DYM: variants seen among roughly 807,000 people sequenced by gnomAD.
DYM encodes dymeclin, also known as dyggve-Melchior-Clausen syndrome protein.
In DYM, 78 loss-of-function variants were observed where a neutral mutation model predicts 93.1. That is an observed-to-expected ratio of 0.84 (90% CI 0.70 to 1.01). The LOEUF is 1.01. DYM is among the 50% of genes least tolerant of loss of function. The probability of loss-of-function intolerance (pLI) is 0.00; values close to 1 mark genes in which losing one functional copy is unlikely to be tolerated. For missense variants in DYM, 789 were observed against 845.0 expected, an observed-to-expected ratio of 0.93 and a Z score of 0.82; for synonymous variants, 321 against 319.7, an observed-to-expected ratio of 1.00 and a Z score of -0.04.
chr18:49,292,015 A>G (rs1264149874), intron 8 of DYM, among the ~76,000 whole-genome samples: 3 of 152,160 alleles, frequency 2.0e-5, no homozygotes, highest in Non-Finnish European at 4.4e-5. Flanking sequence ...GAGAAACACA[A>G]TTACAAAGTT....
chr18:49,383,806 T>C (rs1254592361), intron 3 of DYM, among the ~76,000 whole-genome samples: 1 of 152,164 alleles, frequency 6.6e-6, no homozygotes, highest in Non-Finnish European at 1.5e-5. Context: ...ATGCCTGTAA[T>C]ATAGTAGGTG....
chr18:49,123,431 T>C (rs1286278281), intron 15 of DYM, among the ~76,000 whole-genome samples: 1 of 152,230 alleles, frequency 6.6e-6, no homozygotes, highest in East Asian at 1.9e-4. Flanking sequence ...TGTGTACTCT[T>C]GCCTCCCTAG....
intron 8 of DYM, among the ~76,000 whole-genome samples, chr18:49,324,421 A>G (rs201560852): frequency 3.9e-5 from 6 of 152,336 alleles, no homozygotes; most frequent in Non-Finnish European, 7.4e-5. Flanking sequence ...TCAATAAGAA[A>G]TGGTACCATA....
At chr18:49,048,546 A>G (rs957058009) in intron 17 of DYM, 2 of 152,248 alleles carry the variant, frequency 1.3e-5, no homozygotes, top group African/African-American at 4.8e-5. Flanking sequence ...GAGGCAGCTT[A>G]TGCAAGGCTG....
At chr18:49,210,868 A>T (rs914908938) in intron 13 of DYM, among the ~76,000 whole-genome samples, 6 of 152,190 alleles carry the variant, frequency 3.9e-5, no homozygotes, top group African/African-American at 1.4e-4. Context: ...TAGGGGAGAA[A>T]AGGCATACTC....
chr18:49,314,369 TTGA>T (rs1301003034), intron 8 of DYM, among the ~76,000 whole-genome samples: 4 of 152,218 alleles, frequency 2.6e-5, no homozygotes, highest in Non-Finnish European at 5.9e-5. Flanking sequence ...CATGCCACTG[TTGA>T]TGGTCTTCTG....
intron 1 of DYM, among the ~76,000 whole-genome samples, chr18:49,441,199 ATATAT>A (rs2081500565): frequency 2.6e-5 from 1 of 38,750 alleles, no homozygotes; most frequent in Non-Finnish European, 4.3e-5. Flanking sequence ...ATAATATATT[ATATAT>A]TATATATATT....
intron 11 of DYM, among the ~76,000 whole-genome samples, chr18:49,264,337 G>C (rs982782392): frequency 1.3e-5 from 2 of 151,934 alleles, no homozygotes; most frequent in South Asian, 2.1e-4. Flanking sequence ...CTGAGAGGTG[G>C]AGTATTTATT....
intron 2 of DYM, among the ~76,000 whole-genome samples, chr18:49,429,644 A>C (rs1488025866): frequency 6.6e-6 from 1 of 152,208 alleles, no homozygotes; most frequent in South Asian, 2.1e-4. Flanking sequence ...ATGGTGCACA[A>C]TTTGGCATAG....
rs114451771 is a variant in DYM, at chr18:49,053,139, G to A, written c.2026-8935C>T. Reference sequence around the variant, plus strand: ...GGAATGTTTTTATCAGCTCCAGTGAGTCAACCTACCACAGTGGGACATCCG... The same window carrying A: ...GGAATGTTTTTATCAGCTCCAGTGAATCAACCTACCACAGTGGGACATCCG... On this transcript the variant is annotated intron_variant, in intron 17 of 17. Coordinates refer to ENST00000675505, the MANE Select transcript of DYM (RefSeq NM_001353214.3). Among the ~76,000 whole-genome samples, 987 of 152,312 alleles carry A rather than the reference G, an allele frequency of 6.5e-3. 10 individuals are homozygous for A. The highest frequency in any genetic ancestry group is 0.022 in the African/African-American group (922 of 41,556).
At chr18:49,255,788 A>G (rs1034380358) in intron 13 of DYM, among the ~76,000 whole-genome samples, 1 of 152,076 alleles carries the variant, frequency 6.6e-6, no homozygotes, top group Non-Finnish European at 1.5e-5. Flanking sequence ...AACACTGAAC[A>G]TCCTACAGGA....
At chr18:49,047,793 C>T (rs1326283595) in intron 17 of DYM, among the ~76,000 whole-genome samples, 6 of 152,122 alleles carry the variant, frequency 3.9e-5, no homozygotes, top group African/African-American at 9.7e-5. Context: ...GGTACCAACA[C>T]GATGATGTTC....
At chr18:49,097,295 C>T (rs2079630037) in intron 17 of DYM, 107 bp downstream of exon 17, 2 of 999,158 alleles carry the variant, frequency 2.0e-6, no homozygotes, top group Non-Finnish European at 3.1e-6. Context: ...CCCTTCTAGT[C>T]TATGTACTGG....
Position 49,038,444 on chromosome 18 carries a change from T to C in DYM, c.*5611A>G, listed in dbSNP as rs979425125. Among the ~76,000 whole-genome samples, 14 of 152,218 alleles carry C rather than the reference T, an allele frequency of 9.2e-5. No homozygotes were observed. Among genetic ancestry groups the C allele is most frequent in the Non-Finnish European group, 2.1e-4 (14 of 68,046 alleles). ...ACCCTTTTATTTCTTAAAAAAATTATTGCCTTAAAGTTTACTTAAATATAT... is the reference window on the plus strand; with the variant it reads ...ACCCTTTTATTTCTTAAAAAAATTACTGCCTTAAAGTTTACTTAAATATAT... On this transcript the variant is annotated 3_prime_UTR_variant, in exon 18 of 18. Transcript: ENST00000675505.
intron 17 of DYM, among the ~76,000 whole-genome samples, chr18:49,054,073 T>C (rs1468952455): frequency 6.6e-6 from 1 of 152,140 alleles, no homozygotes; most frequent in Non-Finnish European, 1.5e-5. Flanking sequence ...TTCAGCTAAA[T>C]TGTTGATCAA....
At chr18:49,167,291 T>G (rs956584443) in intron 14 of DYM, among the ~76,000 whole-genome samples, 1 of 152,070 alleles carries the variant, frequency 6.6e-6, no homozygotes, top group Admixed American at 6.6e-5. Flanking sequence ...GATATTTTGG[T>G]TGAGCATAAT....
At chr18:49,295,956 T>C (rs905335508) in intron 8 of DYM, among the ~76,000 whole-genome samples, 2 of 152,268 alleles carry the variant, frequency 1.3e-5, no homozygotes, top group African/African-American at 4.8e-5. Flanking sequence ...AGAGTTTCAC[T>C]CTGTTTCCCA....
intron 13 of DYM, 118 bp from the exon 14 acceptor site, chr18:49,209,833 A>G (rs1373756687): frequency 6.0e-5 from 34 of 563,550 alleles, no homozygotes; most frequent in Non-Finnish European, 8.2e-5. Flanking sequence ...GTGCCCAAGA[A>G]AAAAAAAAAC....
At position 49,381,319 on chromosome 18, in the gene DYM, G is replaced by A. The variant is rs72642461; in HGVS notation, c.194-1561C>T. ...ATATATTTTAAAATATTATACATGG[G>A]AATAAGTACAGCATTACAGCATACC... On this transcript the variant is annotated intron_variant, in intron 3 of 17. Coordinates refer to ENST00000675505, the MANE Select transcript of DYM (RefSeq NM_001353214.3). Among the ~76,000 whole-genome samples the A allele has an allele frequency of 4.3e-3, 657 of 152,162 alleles. 26 individuals carry two copies. In the East Asian group the frequency reaches 0.086, roughly 20 times the overall value.
Sources: allele counts gnomAD v4.1 joint callset (sites outside exome capture counted in the v4.1 genomes callset), GRCh38; gene constraint gnomAD v4.1.1; transcripts MANE v1.5; gene names NCBI Gene and HGNC (gene_info 2026-07-23, HGNC 2026-07-21).